TEAD1: variants seen among roughly 807,000 people sequenced by gnomAD.
TEAD1 encodes the protein TEA domain transcription factor 1, also known as transcriptional enhancer factor TEF-1.
In TEAD1, 9 loss-of-function variants were observed where a neutral mutation model predicts 54.9. The observed-to-expected ratio is 0.16, with a 90% CI of 0.10 to 0.29. TEAD1 has a LOEUF of 0.29. TEAD1 is among the 10% of genes least tolerant of loss of function. The pLI is 1.00. For missense variants in TEAD1, 387 were observed against 535.9 expected (o/e 0.72, Z 2.74); for synonymous variants, 200 against 187.8 (o/e 1.07, Z -0.53).
chr11:12,907,742 C>T (rs1398902034), intron 10 of TEAD1, among the ~76,000 whole-genome samples: 1 of 152,206 alleles, frequency 6.6e-6, no homozygotes, highest in Non-Finnish European at 1.5e-5. Context: ...AGTCCCACTT[C>T]ACACATGAAG....
intron 3 of TEAD1, among the ~76,000 whole-genome samples, chr11:12,858,355 G>A (rs1241846334): frequency 6.6e-6 from 1 of 152,176 alleles, no homozygotes; most frequent in African/African-American, 2.4e-5. Context: ...TGATTTAAAG[G>A]ATTTATGTAT....
intron 9 of TEAD1, among the ~76,000 whole-genome samples, chr11:12,892,612 C>G (rs1469619253): frequency 6.6e-6 from 1 of 152,068 alleles, no homozygotes; most frequent in Non-Finnish European, 1.5e-5. Context: ...CCATTGCTCT[C>G]CAGCCTGGGC....
chr11:12,909,595 A>G (rs898937061), intron 10 of TEAD1, among the ~76,000 whole-genome samples: 3 of 152,138 alleles, frequency 2.0e-5, no homozygotes, highest in African/African-American at 7.2e-5. Flanking sequence ...TGGCACACGT[A>G]TACCTATATA....
At chr11:12,824,840 A>C (rs1014489132) in intron 3 of TEAD1, among the ~76,000 whole-genome samples, 1 of 152,148 alleles carries the variant, frequency 6.6e-6, no homozygotes, top group African/African-American at 2.4e-5. Flanking sequence ...GCTGGCAGTG[A>C]TTGCAGTCTC....
intron 3 of TEAD1, among the ~76,000 whole-genome samples, chr11:12,834,392 C>G (rs1294048920): frequency 2.0e-5 from 3 of 152,192 alleles, no homozygotes; most frequent in Non-Finnish European, 4.4e-5. Context: ...ATCTGACAGA[C>G]CTGGGCTGAA....
At chr11:12,800,587 G>T (rs535638649) in intron 3 of TEAD1, among the ~76,000 whole-genome samples, 17 of 152,274 alleles carry the variant, frequency 1.1e-4, no homozygotes, top group African/African-American at 3.9e-4. Context: ...CTGATTCAAG[G>T]TCAGCTTCCC....
intron 3 of TEAD1, among the ~76,000 whole-genome samples, chr11:12,802,785 G>T (rs779351591): frequency 6.6e-6 from 1 of 152,200 alleles, no homozygotes; most frequent in South Asian, 2.1e-4. Context: ...CGGAGATACC[G>T]AGGCCTGCTT....
intron 3 of TEAD1, among the ~76,000 whole-genome samples, chr11:12,790,765 G>A (rs1259580822): frequency 6.6e-6 from 1 of 152,190 alleles, no homozygotes; most frequent in Non-Finnish European, 1.5e-5. Context: ...CACATGAAAA[G>A]ATACTTAACA....
intron 9 of TEAD1, among the ~76,000 whole-genome samples, chr11:12,892,956 G>A (rs770357340): frequency 9.2e-5 from 14 of 152,132 alleles, no homozygotes; most frequent in Non-Finnish European, 1.6e-4. Flanking sequence ...TGGCCTGGGC[G>A]GAATTTTCAC....
At chr11:12,758,329 C>T (rs1945026993) in intron 2 of TEAD1, among the ~76,000 whole-genome samples, 1 of 151,358 alleles carries the variant, frequency 6.6e-6, no homozygotes, top group Admixed American at 6.6e-5. Context: ...TGACCTCCGC[C>T]TCCTGGGTTT....
chr11:12,700,598 A>G (rs1384718578), intron 2 of TEAD1, among the ~76,000 whole-genome samples: 1 of 152,070 alleles, frequency 6.6e-6, no homozygotes. Context: ...GATCTTAGAA[A>G]CTTTTTTTTC....
intron 3 of TEAD1, among the ~76,000 whole-genome samples, chr11:12,827,845 G>T (rs12790285): frequency 6.6e-6 from 1 of 152,166 alleles, no homozygotes. Flanking sequence ...GGAAAGAAAC[G>T]TTTAGGGACT....
intron 3 of TEAD1, among the ~76,000 whole-genome samples, chr11:12,819,260 G>A (rs978477058): frequency 2.1e-4 from 29 of 137,512 alleles, no homozygotes; most frequent in Admixed American, 4.8e-4. Flanking sequence ...CATTATCACC[G>A]GTGCTTGTGC....
intron 3 of TEAD1, among the ~76,000 whole-genome samples, chr11:12,790,213 C>T (rs1945768874): frequency 6.6e-6 from 1 of 152,222 alleles, no homozygotes; most frequent in Admixed American, 6.5e-5. Context: ...GAGGACCTGT[C>T]TGCAGCAGGG....
At chr11:12,695,136 G>T (rs963510935) in intron 2 of TEAD1, among the ~76,000 whole-genome samples, 1 of 152,218 alleles carries the variant, frequency 6.6e-6, no homozygotes, top group African/African-American at 2.4e-5. Flanking sequence ...CTTGTCGTTT[G>T]TATTTTGTGT....
intron 2 of TEAD1, among the ~76,000 whole-genome samples, chr11:12,686,924 T>G (rs1315787734): frequency 6.6e-6 from 1 of 152,170 alleles, no homozygotes; most frequent in Non-Finnish European, 1.5e-5. Flanking sequence ...GTGTTTCAGC[T>G]CTGACCAAAA....
intron 3 of TEAD1, among the ~76,000 whole-genome samples, chr11:12,860,748 A>G (rs767557582): frequency 1.2e-4 from 18 of 152,112 alleles, no homozygotes; most frequent in Non-Finnish European, 5.9e-5. Flanking sequence ...GAAGTAAGAC[A>G]ACAAACACAA....
intron 9 of TEAD1, among the ~76,000 whole-genome samples, chr11:12,893,637 C>T (rs781536989): frequency 2.0e-5 from 3 of 152,124 alleles, no homozygotes; most frequent in Non-Finnish European, 4.4e-5. Context: ...GTGGGGAAGA[C>T]ACACTCCTGT....
At position 12,941,220 on chromosome 11, in the gene TEAD1, A is replaced by G. The variant is rs1267227545; in HGVS notation, c.*3998A>G. On this transcript the variant is annotated 3_prime_UTR_variant, in exon 13 of 13. Coordinates refer to ENST00000527636, the MANE Select transcript of TEAD1 (RefSeq NM_021961.6). ...CACCGGATGCTGCTTCCCACACTGA[A>G]GTGTCCTGTCCGACCATTGCTATCT... 1 of 152,214 alleles carries G rather than the reference A, an allele frequency of 6.6e-6. No homozygotes were observed. Among genetic ancestry groups the G allele is most frequent in the East Asian group, 1.9e-4 (1 of 5,194 alleles). The allele number at this position is 152,214 out of a possible 1,614,324, so 9.4% of individuals were successfully genotyped here. A position where few individuals can be genotyped will look rare whatever the true frequency, so the allele number is the denominator to read the frequency against.
Sources: gnomAD v4.1 joint callset for allele counts (sites outside exome capture counted in the v4.1 genomes callset) on GRCh38, gnomAD v4.1.1 for gene constraint, MANE v1.5 for transcripts, NCBI Gene and HGNC (gene_info 2026-07-23, HGNC 2026-07-21) for gene names.